Variants in RSPO2 observed in about 807,000 individuals in gnomAD.
RSPO2 encodes R-spondin-2.
In RSPO2, 14 loss-of-function variants were observed where a neutral mutation model predicts 30.9. That is an observed-to-expected ratio of 0.45 (90% CI 0.30 to 0.71). RSPO2 has a LOEUF of 0.71. Ranked by LOEUF, RSPO2 falls within the 30% of genes least tolerant of loss-of-function variation. The pLI is 0.08. For missense variants in RSPO2, 264 were observed against 301.9 expected (o/e 0.87, Z 0.93); for synonymous variants, 107 against 96.4 (o/e 1.11, Z -0.64).
At chr8:107,903,571 A>G (rs1403702641) in intron 5 of RSPO2, among the ~76,000 whole-genome samples, 1 of 152,148 alleles carries the variant, frequency 6.6e-6, no homozygotes, top group Non-Finnish European at 1.5e-5. Context: ...CTTGCATAAA[A>G]CAGTTGGTAA....
At chr8:108,030,423 G>A (rs984452853) in intron 2 of RSPO2, among the ~76,000 whole-genome samples, 6 of 152,158 alleles carry the variant, frequency 3.9e-5, no homozygotes. Context: ...TATAAGCAGT[G>A]GCCATGATGG....
chr8:108,038,638 C>T (rs893890026), intron 2 of RSPO2, among the ~76,000 whole-genome samples: 1 of 152,096 alleles, frequency 6.6e-6, no homozygotes, highest in Non-Finnish European at 1.5e-5. Context: ...AAACTGCCAC[C>T]AGCACCCCAA....
At chr8:108,071,602 G>C (rs904431087) in intron 2 of RSPO2, among the ~76,000 whole-genome samples, 3 of 152,140 alleles carry the variant, frequency 2.0e-5, no homozygotes, top group Non-Finnish European at 4.4e-5. Flanking sequence ...TGAAGTCCTT[G>C]GATAAGTAAA....
chr8:108,080,798 T>C (rs1586686421), intron 2 of RSPO2, among the ~76,000 whole-genome samples: 1 of 152,212 alleles, frequency 6.6e-6, no homozygotes, highest in Non-Finnish European at 1.5e-5. Context: ...GACATTTCTA[T>C]ATTTTGCAGA....
intron 3 of RSPO2, among the ~76,000 whole-genome samples, chr8:107,984,693 T>C (rs1349463482): frequency 6.6e-6 from 1 of 152,242 alleles, no homozygotes; most frequent in Non-Finnish European, 1.5e-5. Context: ...CCTTTGTTTT[T>C]AATGATGCAA....
Position 107,916,819 on chromosome 8 carries a change from T to G in RSPO2, c.617-15629A>C, listed in dbSNP as rs1372689064. On this transcript the variant is annotated intron_variant, in intron 5 of 5. Coordinates refer to ENST00000276659, the MANE Select transcript of RSPO2 (RefSeq NM_178565.5). The stretch of plus-strand genomic sequence containing the variant: ...CAGAATCTCAGTCCATGTGCCCAAA[T>G]AACATGGTTTTCTTAGAAAATTAAT... 2.0e-5 allele frequency among the ~76,000 whole-genome samples: 3 copies of G among 152,168 alleles called. No individual in the cohort carries two copies. In the East Asian group the frequency reaches 5.8e-4, roughly 29 times the overall value.
intron 2 of RSPO2, among the ~76,000 whole-genome samples, chr8:108,043,313 T>C (rs774541610): frequency 6.6e-6 from 1 of 152,138 alleles, no homozygotes; most frequent in South Asian, 2.1e-4. Flanking sequence ...TGTTTTTTAG[T>C]ACAAGCCTCA....
At chr8:107,983,940 A>T in intron 3 of RSPO2, 2 of 1,048,606 alleles carry the variant, frequency 1.9e-6, no homozygotes, top group Admixed American at 2.1e-5. Context: ...GAGCTCTCTG[A>T]GGATATTCTG....
At chr8:107,940,166 A>G (rs1812853583) in intron 5 of RSPO2, among the ~76,000 whole-genome samples, 1 of 152,080 alleles carries the variant, frequency 6.6e-6, no homozygotes, top group Admixed American at 6.6e-5. Flanking sequence ...AAACTAGTCT[A>G]CTTCTTCCTG....
intron 5 of RSPO2, among the ~76,000 whole-genome samples, chr8:107,946,568 C>A (rs1494905): frequency 6.6e-6 from 1 of 151,218 alleles, no homozygotes; most frequent in Admixed American, 6.6e-5. Flanking sequence ...CAAGGTAGGC[C>A]GAAATTAAAG....
chr8:108,003,413 G>A (rs1453961936), intron 2 of RSPO2, among the ~76,000 whole-genome samples: 31 of 147,766 alleles, frequency 2.1e-4, no homozygotes, highest in African/African-American at 7.0e-4. Flanking sequence ...CCGACCTCTG[G>A]TGATCCTCTG....
chr8:108,024,518 T>A (rs2130619169), intron 2 of RSPO2, among the ~76,000 whole-genome samples: 1 of 151,530 alleles, frequency 6.6e-6, no homozygotes, highest in Middle Eastern at 3.5e-3. Flanking sequence ...AATATACACA[T>A]CTATTAATTT....
At chr8:107,938,810 G>A (rs1345348191) in intron 5 of RSPO2, among the ~76,000 whole-genome samples, 3 of 152,146 alleles carry the variant, frequency 2.0e-5, no homozygotes, top group Non-Finnish European at 4.4e-5. Context: ...GCATTTTGAT[G>A]AACTGAGGCA....
intron 3 of RSPO2, among the ~76,000 whole-genome samples, chr8:107,985,837 T>C (rs1443139820): frequency 1.3e-5 from 2 of 152,184 alleles, no homozygotes; most frequent in Non-Finnish European, 2.9e-5. Context: ...AGATAGTTGT[T>C]GGATTGGTTT....
At position 108,083,574 on chromosome 8, in the gene RSPO2, G is replaced by A. The variant is rs1813284479; in HGVS notation, c.-547C>T. Reference sequence around the variant, plus strand: ...CAGAACGCTCTCGGGAGGACGAAGTGATCCGAAGGGATGTGGCAAGCGCAC... The same window carrying A: ...CAGAACGCTCTCGGGAGGACGAAGTAATCCGAAGGGATGTGGCAAGCGCAC... On this transcript the variant is annotated 5_prime_UTR_variant, in exon 1 of 6. Transcript: ENST00000276659. The A allele has an allele frequency of 6.6e-6, 1 of 152,350 alleles. No homozygotes were observed. The highest frequency in any genetic ancestry group is 6.5e-5 in the Admixed American group (1 of 15,290). The allele number at this position is 152,350 out of a possible 1,614,324, so 9.4% of individuals were successfully genotyped here.
chr8:107,921,867 T>G (rs1282767258), intron 5 of RSPO2, among the ~76,000 whole-genome samples: 1 of 152,082 alleles, frequency 6.6e-6, no homozygotes, highest in Non-Finnish European at 1.5e-5. Flanking sequence ...CATGATTACC[T>G]CAATAGATAC....
chr8:107,970,049 C>A (rs905138965), intron 3 of RSPO2, among the ~76,000 whole-genome samples: 1 of 152,100 alleles, frequency 6.6e-6, no homozygotes, highest in Non-Finnish European at 1.5e-5. Flanking sequence ...AAGAAGAATA[C>A]CTTAATCTCT....
At chr8:107,941,215 T>G (rs1351258638) in intron 5 of RSPO2, among the ~76,000 whole-genome samples, 2 of 152,090 alleles carry the variant, frequency 1.3e-5, no homozygotes, top group African/African-American at 4.8e-5. Context: ...ACACAATCAG[T>G]CAGAATCCAG....
At chr8:107,905,910 C>T (rs565328770) in intron 5 of RSPO2, among the ~76,000 whole-genome samples, 11 of 151,508 alleles carry the variant, frequency 7.3e-5, no homozygotes, top group South Asian at 2.1e-4. Flanking sequence ...TAAAAATAGA[C>T]GAGACCTAAA....
Sources: gnomAD v4.1 joint callset for allele counts (sites outside exome capture counted in the v4.1 genomes callset) on GRCh38, gnomAD v4.1.1 for gene constraint, MANE v1.5 for transcripts, NCBI Gene and HGNC (gene_info 2026-07-23, HGNC 2026-07-21) for gene names.